RTKN2: variants seen among roughly 807,000 people sequenced by gnomAD.
The protein encoded by RTKN2 is rhotekin-2.
A neutral mutation model predicts 71.5 loss-of-function variants in RTKN2; 69 were observed. The ratio of observed to expected loss-of-function variants is 0.96; its 90% CI spans 0.79 to 1.18. The LOEUF (loss-of-function observed/expected upper bound fraction) is 1.18. RTKN2 is among the 50% of genes most tolerant of loss of function. The probability of loss-of-function intolerance (pLI) is 0.00; values close to 1 mark genes in which losing one functional copy is unlikely to be tolerated. For missense variants in RTKN2, 724 were observed against 719.7 expected (o/e 1.01, Z -0.07); for synonymous variants, 236 against 236.5 (o/e 1.00, Z 0.02).
intron 5 of RTKN2, among the ~76,000 whole-genome samples, chr10:62,237,658 TAA>T (rs1842286288): frequency 6.6e-6 from 1 of 151,868 alleles, no homozygotes; most frequent in African/African-American, 2.4e-5. Context: ...TTCTTCTTTA[TAA>T]AGAGTCACTT....
chr10:62,219,575 G>A (rs2132900553), intron 7 of RTKN2, among the ~76,000 whole-genome samples: 1 of 152,142 alleles, frequency 6.6e-6, no homozygotes, highest in East Asian at 1.9e-4. Flanking sequence ...CTGATAGTAG[G>A]AAATATGTAT....
intron 2 of RTKN2, among the ~76,000 whole-genome samples, chr10:62,250,837 C>T (rs180945013): frequency 1.2e-3 from 180 of 152,216 alleles, no homozygotes; most frequent in African/African-American, 3.9e-3. Context: ...TACGATGTTG[C>T]CCAAGCTGGT....
chr10:62,236,183 G>A lies in RTKN2; in HGVS notation c.569C>T (p.Pro190Leu). 6.2e-7 allele frequency: 1 copy of A among 1,611,240 alleles called. No individual in the cohort carries two copies. Among genetic ancestry groups the A allele is most frequent in the Non-Finnish European group, 8.5e-7 (1 of 1,177,926 alleles). ...CTEESSITNTPKKLAKKLKTS... is the reference protein window; with the variant it reads ...CTEESSITNTLKKLAKKLKTS... ...CTTGAGTTTCTTAGCTAGCTTTTTT[G>A]GTGTGTTGGTTATAGAAGATTCTTC... Residue 190 changes from proline (P) to leucine (L), a missense_variant, in exon 6 of 12, where the codon CCA (proline) becomes CTA (leucine). Transcript: ENST00000373789.
intron 11 of RTKN2, 43 bp downstream of exon 11, chr10:62,199,711 G>A: frequency 8.2e-7 from 1 of 1,213,796 alleles, no homozygotes; most frequent in Non-Finnish European, 1.2e-6. Context: ...GGACAATGTT[G>A]TTTTTGTTAT....
intron 10 of RTKN2, among the ~76,000 whole-genome samples, chr10:62,201,823 CATTT>C (rs1470304980): frequency 6.6e-6 from 1 of 152,056 alleles, no homozygotes; most frequent in Non-Finnish European, 1.5e-5. Flanking sequence ...ACGACTGAAA[CATTT>C]ATTTTGCCAG....
rs1024408100 is a variant in RTKN2 at position 62,193,831 on chromosome 10, C to T, written c.*4077G>A. 85 of 975,750 alleles carry T rather than the reference C, an allele frequency of 8.7e-5. No individual in the cohort carries two copies. In the African/African-American group the frequency reaches 1.3e-3, roughly 15 times the overall value. The allele number at this position is 975,750 out of a possible 1,614,324, so 60.4% of individuals were successfully genotyped here. ...TACTTTAAGAAGGATTATATGTAAA[C>T]ATTTTAATAATGTTAATTATACCAT... On this transcript the variant is annotated 3_prime_UTR_variant, in exon 12 of 12. Transcript: ENST00000373789.
At position 62,195,527 on chromosome 10, in the gene RTKN2, G is replaced by A; in HGVS notation, c.*2381C>T. 1 of 730,344 alleles carries A rather than the reference G, an allele frequency of 1.4e-6. No individual in the cohort carries two copies. The highest frequency in any genetic ancestry group is 1.7e-6 in the Non-Finnish European group (1 of 598,012). 45.2% of individuals were successfully genotyped at this position (730,344 alleles called of 1,614,324 possible). On this transcript the variant is annotated 3_prime_UTR_variant, in exon 12 of 12. Coordinates refer to ENST00000373789, the MANE Select transcript of RTKN2 (RefSeq NM_145307.4). ...GAAAAGGGGATGAGACAGAGAGAGA[G>A]GACAGGGGGCCAGAGAAAGAAACAA...
At chr10:62,209,375 A>G (rs1841613302) in intron 9 of RTKN2, among the ~76,000 whole-genome samples, 1 of 77,272 alleles carries the variant, frequency 1.3e-5, no homozygotes, top group Non-Finnish European at 2.4e-5. Flanking sequence ...TTCAGCAAAT[A>G]AATTGTCTAT....
chr10:62,248,435 T>C (rs900062590), intron 2 of RTKN2, among the ~76,000 whole-genome samples: 1 of 152,182 alleles, frequency 6.6e-6, no homozygotes, highest in African/African-American at 2.4e-5. Context: ...AACAGTTTGC[T>C]TAATATAAAT....
chr10:62,224,704 G>C (rs949827139), intron 6 of RTKN2, among the ~76,000 whole-genome samples: 2 of 152,078 alleles, frequency 1.3e-5, no homozygotes, highest in Admixed American at 1.3e-4. Flanking sequence ...GTAGGTAGGT[G>C]AACTGGGGAA....
At position 62,239,669 on chromosome 10, in the gene RTKN2, CAT is replaced by C. The variant is rs1207968595; in HGVS notation, c.465_466del (p.Ile155MetfsTer3). ...TTACAATATGGTTACATTTTCAAAA[CAT>C]ATATCTGTGATTGTTTTATCCACAT... On this transcript the variant is annotated frameshift_variant, in exon 5 of 12. Transcript: ENST00000373789. LOFTEE classifies it high-confidence loss of function. 6.7e-7 allele frequency: 1 copy of C among 1,491,922 alleles called. No individual in the cohort carries two copies. The highest frequency in any genetic ancestry group is 1.2e-5 in the South Asian group (1 of 80,696). The allele number at this position is 1,491,922 out of a possible 1,614,324, so 92.4% of individuals were successfully genotyped here. A position where few individuals can be genotyped will look rare whatever the true frequency, so the allele number is the denominator to read the frequency against.
Position 62,196,102 on chromosome 10 carries a change from T to C in RTKN2, c.*1806A>G. The C allele has an allele frequency of 1.0e-6, 1 of 985,260 alleles. No individual in the cohort carries two copies. Among genetic ancestry groups the C allele is most frequent in the Non-Finnish European group, 1.2e-6 (1 of 829,858 alleles). The allele number at this position is 985,260 out of a possible 1,614,324, so 61.0% of individuals were successfully genotyped here. ...CAAAACAATTTTCCCTGCAGCATCT[T>C]CTAGCTCAATAATTTAGTGGCAATG... is the stretch of plus-strand genomic sequence containing the variant. On this transcript the variant is annotated 3_prime_UTR_variant, in exon 12 of 12. Coordinates refer to ENST00000373789, the MANE Select transcript of RTKN2 (RefSeq NM_145307.4).
Position 62,262,834 on chromosome 10 carries a change from T to A in RTKN2, c.61-13A>T. ...GAATGTTGCAGTCCTAAAAAAAAAA[T>A]GCATCTTGAAAATATAGCAAAAACC... On this transcript the variant is annotated splice_polypyrimidine_tract_variant and intron_variant, in intron 1 of 11. Coordinates refer to ENST00000373789, the MANE Select transcript of RTKN2 (RefSeq NM_145307.4). 1 of 1,549,846 alleles carries A rather than the reference T, an allele frequency of 6.5e-7. No individual in the cohort carries two copies. The highest frequency in any genetic ancestry group is 8.8e-7 in the Non-Finnish European group (1 of 1,135,402).
intron 10 of RTKN2, among the ~76,000 whole-genome samples, chr10:62,200,323 A>G (rs1841415142): frequency 1.5e-5 from 2 of 134,004 alleles, no homozygotes; most frequent in Admixed American, 1.8e-4. Flanking sequence ...AGATTGCACC[A>G]CTGCACTCCA....
At chr10:62,223,773 C>CA (rs925486475) in intron 6 of RTKN2, among the ~76,000 whole-genome samples, 2 of 152,000 alleles carry the variant, frequency 1.3e-5, no homozygotes, top group Admixed American at 6.6e-5. Context: ...GGTGGTTCCT[C>CA]AAAAAATAAG....
intron 6 of RTKN2, among the ~76,000 whole-genome samples, chr10:62,230,370 T>C (rs1157958365): frequency 6.6e-6 from 1 of 151,972 alleles, no homozygotes; most frequent in Admixed American, 6.6e-5. Flanking sequence ...AGAGACAGAG[T>C]TTCACCATGT....
chr10:62,268,340 A>C (rs1162360566), intron 1 of RTKN2, among the ~76,000 whole-genome samples: 1 of 152,216 alleles, frequency 6.6e-6, no homozygotes, highest in Non-Finnish European at 1.5e-5. Context: ...CCCAATCCGG[A>C]CCTCAGCTGC....
chr10:62,250,638 A>T (rs1842562774), intron 2 of RTKN2, among the ~76,000 whole-genome samples: 1 of 152,116 alleles, frequency 6.6e-6, no homozygotes, highest in Admixed American at 6.6e-5. Context: ...TATTATTTTT[A>T]TTTATTTTTG....
chr10:62,217,081 G>A (rs1841784535), intron 9 of RTKN2, 37 bp downstream of exon 9: 1 of 1,501,368 alleles, frequency 6.7e-7, no homozygotes, highest in African/African-American at 1.4e-5. Flanking sequence ...AACTTCCTAA[G>A]ATGTATATTT....
Sources: allele counts gnomAD v4.1 joint callset (sites outside exome capture counted in the v4.1 genomes callset), GRCh38; gene constraint gnomAD v4.1.1; transcripts MANE v1.5; gene names NCBI Gene and HGNC (gene_info 2026-07-23, HGNC 2026-07-21).